The following L1TD1 variants were observed in gnomAD, a reference collection of about 807,000 sequenced individuals.
L1TD1 encodes the protein LINE-1 type transposase domain-containing protein 1.
In L1TD1, 26 loss-of-function variants were observed where a neutral mutation model predicts 25.7. That is an observed-to-expected ratio of 1.01 (90% CI 0.74 to 1.40). The LOEUF (loss-of-function observed/expected upper bound fraction) is 1.40. L1TD1 is among the 40% of genes most tolerant of loss of function. The pLI is 0.00. For missense variants in L1TD1, 1,130 were observed against 975.0 expected, an observed-to-expected ratio of 1.16 and a Z score of -2.12; for synonymous variants, 421 against 335.6, an observed-to-expected ratio of 1.25 and a Z score of -2.78.
intron 2 of L1TD1, among the ~76,000 whole-genome samples, chr1:62,205,923 G>C (rs954347538): frequency 6.6e-6 from 1 of 151,866 alleles, no homozygotes; most frequent in South Asian, 2.1e-4. Flanking sequence ...GTAGAGACAG[G>C]TCACCCTATG....
intron 3 of L1TD1, among the ~76,000 whole-genome samples, chr1:62,209,485 A>G (rs1670815046): frequency 6.6e-6 from 1 of 152,154 alleles, no homozygotes; most frequent in Admixed American, 6.6e-5. Context: ...ACTGAGGATC[A>G]ATCACATACA....
rs1199056856 is a variant in L1TD1 at position 62,211,555 on chromosome 1, T to A, written c.*183T>A. ...TAATAAAGGGTATGTTTAAAAAAAATAGGCTGGTCTCAATGTAGTGAGTTA... is the reference window on the plus strand; with the variant it reads ...TAATAAAGGGTATGTTTAAAAAAAAAAGGCTGGTCTCAATGTAGTGAGTTA... On this transcript the variant is annotated 3_prime_UTR_variant, in exon 4 of 4. Coordinates refer to ENST00000498273, the MANE Select transcript of L1TD1 (RefSeq NM_019079.5). The A allele has an allele frequency of 1.0e-6, 1 of 988,252 alleles. No homozygotes were observed. Among genetic ancestry groups the A allele is most frequent in the Non-Finnish European group, 1.4e-6 (1 of 721,188 alleles). 61.2% of individuals were successfully genotyped at this position (988,252 alleles called of 1,614,324 possible).
chr1:62,195,352 C>T (rs570405880), intron 1 of L1TD1, among the ~76,000 whole-genome samples: 2 of 152,246 alleles, frequency 1.3e-5, no homozygotes, highest in African/African-American at 2.4e-5. Context: ...GAGAAAAAAA[C>T]TCTCCTAAGA....
rs1012935819 is a variant in L1TD1 at position 62,211,346 on chromosome 1, G to A, written c.2572G>A (p.Glu858Lys). Residue 858 changes from glutamate to lysine, a missense_variant, in exon 4 of 4, where the codon GAA becomes AAA. By Grantham distance (56) the Glu-to-Lys change is moderately conservative. Transcript: ENST00000498273. ...DYVLHMPTLR[E>K]LLGNNIP ...TGTTTTGCATATGCCCACCTTGAGA[G>A]AATTACTGGGGAATAATATACCTTA... is the stretch of plus-strand genomic sequence containing the variant. 2 of 1,608,322 alleles carry A rather than the reference G, an allele frequency of 1.2e-6. No homozygotes were observed. Among genetic ancestry groups the A allele is most frequent in the Non-Finnish European group, 1.7e-6 (2 of 1,177,500 alleles).
chr1:62,207,743 G>C (rs1263798165), intron 3 of L1TD1, 107 bp downstream of exon 3: 2 of 1,320,452 alleles, frequency 1.5e-6, no homozygotes, highest in Non-Finnish European at 2.0e-6. Context: ...ATGGAGTTTC[G>C]CTCTTGTCGG....
intron 1 of L1TD1, among the ~76,000 whole-genome samples, chr1:62,195,411 A>T (rs1302221810): frequency 2.0e-5 from 3 of 152,262 alleles, no homozygotes; most frequent in African/African-American, 7.2e-5. Flanking sequence ...GTGAAGAAAA[A>T]ATAAAGTCAA....
At chr1:62,201,782 C>T (rs953613097) in intron 2 of L1TD1, among the ~76,000 whole-genome samples, 27 of 152,010 alleles carry the variant, frequency 1.8e-4, no homozygotes, top group Admixed American at 1.8e-3. Context: ...TTCAGTACTC[C>T]CTGCATTTTA....
rs34456833 is a variant in L1TD1 at position 62,199,498 on chromosome 1, C to CAAAAA, written c.-111+2981_-111+2985dup. 1.7e-3 allele frequency among the ~76,000 whole-genome samples: 225 copies of CAAAAA among 134,094 alleles called. 1 individual carries two copies. Among genetic ancestry groups the CAAAAA allele is most frequent in the African/African-American group, 3.7e-3 (134 of 36,466 alleles). The allele number at this position is 134,094 out of a possible 152,430, so 88.0% of individuals were successfully genotyped here. A position where few individuals can be genotyped will look rare whatever the true frequency, so the allele number is the denominator to read the frequency against. ...AATCCACAGAGTGAGACTCTTGTAT[C>CAAAAA]AAAAAAAAAAAAAAATCAGCATTTG... On this transcript the variant is annotated intron_variant, in intron 2 of 3. Transcript: ENST00000498273.
chr1:62,198,135 G>C (rs1372888051), intron 2 of L1TD1, among the ~76,000 whole-genome samples: 1 of 151,666 alleles, frequency 6.6e-6, no homozygotes, highest in Non-Finnish European at 1.5e-5. Flanking sequence ...AGAAGTCGAA[G>C]TTGGCATTCT....
intron 2 of L1TD1, among the ~76,000 whole-genome samples, chr1:62,198,446 TA>T (rs11353722): frequency 0.22 from 31,435 of 140,066 alleles, 3,537 homozygotes; most frequent in Middle Eastern, 0.33. Context: ...TGTTCTTATT[TA>T]AAAAAAAAAA....
intron 2 of L1TD1, among the ~76,000 whole-genome samples, chr1:62,205,389 T>TCTCTCTCTCTCTCTC (rs1670718755): frequency 1.7e-5 from 1 of 60,300 alleles, no homozygotes; most frequent in African/African-American, 7.2e-5. Context: ...CTCTCTCTCT[T>TCTCTCTCTCTCTCTC]TCTCTCTCTC....
At chr1:62,208,189 C>T (rs1281745253) in intron 3 of L1TD1, 2 of 153,178 alleles carry the variant, frequency 1.3e-5, no homozygotes, top group African/African-American at 4.8e-5. Flanking sequence ...GCTCCTCTCC[C>T]TGTTGGTGTG....
rs1297750882 is a variant in L1TD1 at position 62,205,439 on chromosome 1, A to AT, written c.-110-1079dup. Among the ~76,000 whole-genome samples, 204 of 44,212 alleles carry AT rather than the reference A, an allele frequency of 4.6e-3. 22 individuals carry two copies. The highest frequency in any genetic ancestry group is 0.012 in the Middle Eastern group (1 of 86). The allele number at this position is 44,212 out of a possible 152,430, so 29.0% of individuals were successfully genotyped here. On this transcript the variant is annotated intron_variant, in intron 2 of 3. Coordinates refer to ENST00000498273, the MANE Select transcript of L1TD1 (RefSeq NM_019079.5). The stretch of plus-strand genomic sequence containing the variant: ...TCTCTATATATATATATATATATAT[A>AT]TATATTTTTTTTTAGACAGTCTTGC...
At chr1:62,199,513 A>G (rs868594634) in intron 2 of L1TD1, among the ~76,000 whole-genome samples, 10 of 151,296 alleles carry the variant, frequency 6.6e-5, no homozygotes, top group Admixed American at 2.0e-4. Flanking sequence ...AAAAAAAAAA[A>G]TCAGCATTTG....
Position 62,206,504 on chromosome 1 carries a change from T to G in L1TD1, c.-110-15T>G, listed in dbSNP as rs1670747326. The G allele has an allele frequency of 2.0e-6, 2 of 1,005,888 alleles. No homozygotes were observed. Among genetic ancestry groups the G allele is most frequent in the Admixed American group, 7.2e-5 (2 of 27,880 alleles). The allele number at this position is 1,005,888 out of a possible 1,614,324, so 62.3% of individuals were successfully genotyped here. ...AATTCTTTAGTAAGTAATTTTTCAT[T>G]TTTTTGTATTTCAGATTGACGTATT... On this transcript the variant is annotated splice_polypyrimidine_tract_variant and intron_variant, in intron 2 of 3. Transcript: ENST00000498273.
chr1:62,200,269 C>T (rs12136917), intron 2 of L1TD1, among the ~76,000 whole-genome samples: 19,263 of 152,082 alleles, frequency 0.13, 1,475 homozygotes, highest in Non-Finnish European at 0.16. Flanking sequence ...CTCCGCCTCC[C>T]GCATTCAAGC....
rs1447667211 is a variant in L1TD1 at position 62,205,441 on chromosome 1, A to ATTTTTTTTTTTTTT, written c.-110-1077_-110-1076insTTTTTTTTTTTTTT. Reference sequence around the variant, plus strand: ...TCTATATATATATATATATATATATATATTTTTTTTTAGACAGTCTTGCTG... The same window carrying ATTTTTTTTTTTTTT: ...TCTATATATATATATATATATATATATTTTTTTTTTTTTTTATTTTTTTTTAGACAGTCTTGCTG... On this transcript the variant is annotated intron_variant, in intron 2 of 3. Coordinates refer to ENST00000498273, the MANE Select transcript of L1TD1 (RefSeq NM_019079.5). Among the ~76,000 whole-genome samples, 73 of 53,830 alleles carry ATTTTTTTTTTTTTT rather than the reference A, an allele frequency of 1.4e-3. 2 individuals carry two copies. Among genetic ancestry groups the ATTTTTTTTTTTTTT allele is most frequent in the Non-Finnish European group, 1.8e-3 (48 of 26,914 alleles). 35.3% of individuals were successfully genotyped at this position (53,830 alleles called of 152,430 possible). A position where few individuals can be genotyped will look rare whatever the true frequency, so the allele number is the denominator to read the frequency against.
At chr1:62,197,400 TATA>T (rs1670563809) in intron 2 of L1TD1, among the ~76,000 whole-genome samples, 3 of 111,854 alleles carry the variant, frequency 2.7e-5, no homozygotes, top group East Asian at 4.4e-4. Flanking sequence ...AAATAAATTA[TATA>T]TATATATATA....
In L1TD1 at chr1:62,210,657, TAA is replaced by T. The variant is rs1557448072; in HGVS notation, c.1886_1887del (p.Lys629ArgfsTer17). On this transcript the variant is annotated frameshift_variant, in exon 4 of 4. Coordinates refer to ENST00000498273, the MANE Select transcript of L1TD1 (RefSeq NM_019079.5). LOFTEE classifies it low-confidence loss of function (END_TRUNC). ...AGTGTGATTAATAGCATCAGAGAGA[TAA>T]AAGAGGAGATTGGAAATTTGAAAAG... 6.4e-7 allele frequency: 1 copy of T among 1,564,150 alleles called. No homozygotes were observed. Among genetic ancestry groups the T allele is most frequent in the African/African-American group, 1.4e-5 (1 of 73,180 alleles).
Sources: allele counts gnomAD v4.1 joint callset (sites outside exome capture counted in the v4.1 genomes callset), GRCh38; gene constraint gnomAD v4.1.1; transcripts MANE v1.5; gene names NCBI Gene and HGNC (gene_info 2026-07-23, HGNC 2026-07-21).